The following JADE2 variants were observed in gnomAD, a reference collection of about 807,000 sequenced individuals.
JADE2 encodes jade family PHD finger 2.
Under a neutral mutation model 85.7 loss-of-function variants are expected in JADE2, and 13 were observed. The observed-to-expected ratio is 0.15, with a 90% CI of 0.10 to 0.24. JADE2 has a LOEUF of 0.24. Among genes scored for constraint, JADE2 ranks in the 10% least tolerant of loss-of-function variants. The pLI is 1.00. For synonymous variants in JADE2, 440 were observed against 456.1 expected (o/e 0.96, Z 0.45); for missense variants, 846 against 1,115.9 (o/e 0.76, Z 3.45).
At chr5:134,541,680 T>C (rs1761968555) in intron 3 of JADE2, among the ~76,000 whole-genome samples, 1 of 151,922 alleles carries the variant, frequency 6.6e-6, no homozygotes, top group Non-Finnish European at 1.5e-5. Context: ...GGTTCACTTG[T>C]CTCCTCATCT....
At chr5:134,525,614 C>CCCCACA, upstream of JADE2, 1 of 624,338 alleles carries the variant, frequency 1.6e-6, no homozygotes, top group Non-Finnish European at 2.3e-6. Flanking sequence ...ACCCCCACCC[C>CCCCACA]AACACATTTT....
Position 134,562,011 on chromosome 5 carries a change from C to CA in JADE2, c.685-187dup, listed in dbSNP as rs950985150. Among the ~76,000 whole-genome samples, 13 of 152,122 alleles carry CA rather than the reference C, an allele frequency of 8.5e-5. No homozygotes were observed. The highest frequency in any genetic ancestry group is 1.6e-4 in the Non-Finnish European group (11 of 68,012). ...TGGCATTTCAGGCATACAAGCAGGC[C>CA]AAGGAGGGCTTTCCAGGAGCCCTTC... On this transcript the variant is annotated intron_variant, in intron 6 of 11. Coordinates refer to ENST00000681547, the MANE Select transcript of JADE2 (RefSeq NM_001388185.1). The surrounding 1 kb of genome is among the most constrained non-coding windows in gnomAD (Gnocchi z 4.6).
chr5:134,557,703 T>C (rs373913693), intron 4 of JADE2, among the ~76,000 whole-genome samples: 1 of 74,460 alleles, frequency 1.3e-5, no homozygotes, highest in Non-Finnish European at 2.6e-5. Flanking sequence ...CTACAAAGGA[T>C]ATGAACTCAT....
intron 3 of JADE2, among the ~76,000 whole-genome samples, chr5:134,550,937 C>T (rs759509566): frequency 1.3e-5 from 2 of 152,180 alleles, no homozygotes; most frequent in Non-Finnish European, 2.9e-5. Context: ...TTCCTACCCC[C>T]CCTTCCCCAA....
chr5:134,547,873 G>A (rs996097442), intron 3 of JADE2, among the ~76,000 whole-genome samples: 37 of 152,200 alleles, frequency 2.4e-4, no homozygotes, highest in Non-Finnish European at 2.9e-5. Flanking sequence ...TTCTAGTGGG[G>A]AAGACATGGC....
rs1761715647 is a variant in JADE2, at chr5:134,538,059, A to C, written c.129A>C (p.Arg43=). 1 of 1,614,000 alleles carries C rather than the reference A, an allele frequency of 6.2e-7. No individual in the cohort carries two copies. Among genetic ancestry groups the C allele is most frequent in the African/African-American group, 1.3e-5 (1 of 74,928 alleles). ...GCAGCACCAAGTCGGGCTGGCCCCG[A>C]CAGAACGAAAAGAAGCCCTCCGAGG... ...LPSSTKSGWP[R]QNEKKPSEVF... is the part of the protein sequence containing the mutation. The change falls in exon 3 of 12, where the codon CGA becomes CGC. Residue 43 remains arginine, a synonymous_variant. Transcript: ENST00000681547.
Position 134,566,244 on chromosome 5 carries a change from C to T in JADE2, c.1098C>T (p.Asp366=), listed in dbSNP as rs148155246. ...KFKSFCQEHS[D]GGPRNEPTSE... ...AGTCATTCTGCCAGGAGCACAGTGA[C>T]GGGGGCCCACGTAATGAGCCCACAT... Residue 366 remains aspartate, a synonymous_variant, in exon 9 of 12, where the codon GAC becomes GAT. Transcript: ENST00000681547. This position sits in a 1 kb window ranked among gnomAD's most constrained non-coding sequence, Gnocchi z 6.7. 5,975 of 1,614,130 alleles carry T rather than the reference C, an allele frequency of 3.7e-3. 28 individuals carry two copies. Among genetic ancestry groups the T allele is most frequent in the Non-Finnish European group, 3.7e-3 (4,377 of 1,180,040 alleles).
intron 3 of JADE2, among the ~76,000 whole-genome samples, chr5:134,546,791 T>A (rs1168366542): frequency 6.6e-6 from 1 of 152,022 alleles, no homozygotes; most frequent in Admixed American, 6.6e-5. Context: ...TGTGTATATA[T>A]AATTACACAA....
chr5:134,552,987 CTTTTTTTTTTT>C (rs34182692), intron 4 of JADE2, among the ~76,000 whole-genome samples: 76 of 62,422 alleles, frequency 1.2e-3, no homozygotes, highest in African/African-American at 4.7e-3. Flanking sequence ...TGGGCCTGGC[CTTTTTTTTTTT>C]TTTTTTTTTT....
chr5:134,562,050 A>T lies in JADE2; in HGVS notation c.685-150A>T. 1 of 729,264 alleles carries T rather than the reference A, an allele frequency of 1.4e-6. No homozygotes were observed. 45.2% of individuals were successfully genotyped at this position (729,264 alleles called of 1,614,324 possible). ...CAGGAGCCCTTCCTTCCTTCCTTGC[A>T]TTGTAACTCCTCAGAAGTTGTACGT... On this transcript the variant is annotated intron_variant, in intron 6 of 11. Coordinates refer to ENST00000681547, the MANE Select transcript of JADE2 (RefSeq NM_001388185.1). This position sits in a 1 kb window ranked among gnomAD's most constrained non-coding sequence, Gnocchi z 4.6.
chr5:134,544,432 C>G (rs568396016), intron 3 of JADE2: 1 of 167,128 alleles, frequency 6.0e-6, no homozygotes, highest in African/African-American at 2.4e-5. Context: ...GCCTCAGAGC[C>G]CTTATCATAG....
At chr5:134,553,404 A>C (rs1194521201) in intron 4 of JADE2, among the ~76,000 whole-genome samples, 1 of 141,320 alleles carries the variant, frequency 7.1e-6, no homozygotes, top group African/African-American at 2.7e-5. Context: ...GCCAGGCTGG[A>C]GTAGAGTGGT....
At chr5:134,550,994 G>C (rs1762557378) in intron 3 of JADE2, among the ~76,000 whole-genome samples, 1 of 152,078 alleles carries the variant, frequency 6.6e-6, no homozygotes, top group African/African-American at 2.4e-5. Context: ...GTTCTTGAGG[G>C]ACCTTGGAAG....
chr5:134,539,257 G>A (rs1761812600), intron 3 of JADE2, among the ~76,000 whole-genome samples: 1 of 152,080 alleles, frequency 6.6e-6, no homozygotes, highest in South Asian at 2.1e-4. Flanking sequence ...TAGAGACGGG[G>A]TTTCACCGTG....
At chr5:134,564,942 G>T (rs1407029248) in intron 8 of JADE2, among the ~76,000 whole-genome samples, 2 of 152,140 alleles carry the variant, frequency 1.3e-5, no homozygotes, top group East Asian at 3.8e-4. Flanking sequence ...ACGCGTTAGG[G>T]GTTAGGAATC....
intron 3 of JADE2, among the ~76,000 whole-genome samples, chr5:134,545,944 G>A (rs1398507889): frequency 6.6e-6 from 1 of 152,132 alleles, no homozygotes; most frequent in Non-Finnish European, 1.5e-5. Context: ...GTCCAGGAGA[G>A]ATTGTCCTGG....
rs374176764 is a variant in JADE2 at position 134,552,220 on chromosome 5, C to A, written c.311+11C>A. ...AGAGCCCGTGGTGAGGTGAGCCAGG[C>A]AGCCCAGGCTAGGGGGCCATTGGGA... On this transcript the variant is annotated intron_variant, in intron 4 of 11. Coordinates refer to ENST00000681547, the MANE Select transcript of JADE2 (RefSeq NM_001388185.1). 254 of 1,611,598 alleles carry A rather than the reference C, an allele frequency of 1.6e-4. No individual in the cohort carries two copies. The African/African-American group carries it at 3.0e-3, about 19-fold the overall frequency.
chr5:134,530,449 CCCCTGGAGAGGAGA>C (rs1554123570), intron 1 of JADE2, among the ~76,000 whole-genome samples: 1 of 152,012 alleles, frequency 6.6e-6, no homozygotes, highest in Non-Finnish European at 1.5e-5. Flanking sequence ...GGCCTAGTGG[CCCCTGGAGAGGAGA>C]GGCTGGAGGC....
Position 134,539,310 on chromosome 5 carries a change from G to A in JADE2, c.153+1227G>A, listed in dbSNP as rs916693067. 1.2e-4 allele frequency among the ~76,000 whole-genome samples: 18 copies of A among 152,182 alleles called. No homozygotes were observed. The Middle Eastern group carries it at 0.01, about 86-fold the overall frequency. On this transcript the variant is annotated intron_variant, in intron 3 of 11. Transcript: ENST00000681547. ...GACCTCCTGACCTTGTGATCCGCCCGCCTTGGCCTCCCAAAGTGCTGGGAT... is the reference window on the plus strand; with the variant it reads ...GACCTCCTGACCTTGTGATCCGCCCACCTTGGCCTCCCAAAGTGCTGGGAT...
Sources: allele counts gnomAD v4.1 joint callset (sites outside exome capture counted in the v4.1 genomes callset), GRCh38; gene constraint gnomAD v4.1.1; non-coding constraint Gnocchi (gnomAD v3.1); transcripts MANE v1.5; gene names NCBI Gene and HGNC (gene_info 2026-07-23, HGNC 2026-07-21).